NALCN: variants seen among roughly 807,000 people sequenced by gnomAD.
The protein encoded by NALCN is sodium leak channel, non-selective.
Under a neutral mutation model 225.3 loss-of-function variants are expected in NALCN, and 111 were observed. The ratio of observed to expected loss-of-function variants is 0.49; its 90% confidence interval spans 0.42 to 0.58. The LOEUF is 0.58. Ranked by LOEUF, NALCN falls within the 20% of genes least tolerant of loss-of-function variation. The probability of loss-of-function intolerance (pLI) is 0.00; values close to 1 mark genes in which losing one functional copy is unlikely to be tolerated. For synonymous variants in NALCN, 764 were observed against 769.0 expected (o/e 0.99, Z 0.11); for missense variants, 1,378 against 2,202.4 (o/e 0.63, Z 7.49).
At chr13:101,204,424 AAGAG>A (rs1037010224) in intron 13 of NALCN, among the ~76,000 whole-genome samples, 1 of 152,108 alleles carries the variant, frequency 6.6e-6, no homozygotes, top group Non-Finnish European at 1.5e-5. Context: ...TAAATGAATA[AAGAG>A]AGAGGAGAAA....
At chr13:101,078,217 GGAGTCCACACACA>G (rs138470125) in intron 34 of NALCN, among the ~76,000 whole-genome samples, 111,436 of 150,994 alleles carry the variant, frequency 0.74, 41,550 homozygotes, top group African/African-American at 0.82. Context: ...ATGTGTGGTT[GGAGTCCACACACA>G]GAGTCCACAC....
intron 6 of NALCN, among the ~76,000 whole-genome samples, chr13:101,370,736 C>T (rs1343710417): frequency 6.6e-6 from 1 of 152,218 alleles, no homozygotes. Flanking sequence ...TTCTACTTCA[C>T]ACTGAGACAT....
chr13:101,057,632 T>C, intron 43 of NALCN: 1 of 375,008 alleles, frequency 2.7e-6, no homozygotes, highest in East Asian at 6.9e-5. Context: ...TGAGCATGCC[T>C]TGAGGCACAC....
chr13:101,379,045 G>A (rs760128911), intron 3 of NALCN, among the ~76,000 whole-genome samples: 1 of 152,024 alleles, frequency 6.6e-6, no homozygotes, highest in Non-Finnish European at 1.5e-5. Flanking sequence ...AAAACTGCTA[G>A]GTTTAGCACC....
At chr13:101,122,340 C>T (rs948079580) in intron 18 of NALCN, among the ~76,000 whole-genome samples, 9 of 151,928 alleles carry the variant, frequency 5.9e-5, no homozygotes, top group African/African-American at 1.9e-4. Flanking sequence ...CTTTTTATTT[C>T]CTGAGTTTCA....
At chr13:101,097,702 T>A (rs2034588396) in intron 27 of NALCN, among the ~76,000 whole-genome samples, 2 of 152,184 alleles carry the variant, frequency 1.3e-5, no homozygotes, top group Admixed American at 1.3e-4. Context: ...GGCACTAGGA[T>A]GTGTCTGATT....
chr13:101,354,063 G>C (rs1442912912), intron 6 of NALCN, among the ~76,000 whole-genome samples: 1 of 152,178 alleles, frequency 6.6e-6, no homozygotes, highest in Admixed American at 6.5e-5. Context: ...AGAAAAGTTG[G>C]TCGGGTGCAG....
intron 1 of NALCN, among the ~76,000 whole-genome samples, chr13:101,399,605 A>T (rs2047409601): frequency 6.6e-6 from 1 of 152,160 alleles, no homozygotes; most frequent in South Asian, 2.1e-4. Flanking sequence ...TACGACATTC[A>T]CAGACGTCTC....
intron 6 of NALCN, among the ~76,000 whole-genome samples, chr13:101,348,275 T>G (rs2139312147): frequency 6.6e-6 from 1 of 152,304 alleles, no homozygotes; most frequent in Middle Eastern, 3.4e-3. Context: ...TTAAGCATGC[T>G]TTAGTTTTCC....
At chr13:101,166,316 G>A (rs560697638) in intron 15 of NALCN, among the ~76,000 whole-genome samples, 4 of 152,090 alleles carry the variant, frequency 2.6e-5, no homozygotes, top group South Asian at 4.2e-4. Flanking sequence ...TTGAGGAACT[G>A]CCATACTGTT....
intron 34 of NALCN, among the ~76,000 whole-genome samples, chr13:101,076,747 C>T (rs1302336331): frequency 6.6e-6 from 1 of 152,194 alleles, no homozygotes; most frequent in Non-Finnish European, 1.5e-5. Context: ...GAGCATCCTT[C>T]CAAGACCAAA....
At chr13:101,147,847 C>G (rs1270735857) in intron 15 of NALCN, among the ~76,000 whole-genome samples, 1 of 152,110 alleles carries the variant, frequency 6.6e-6, no homozygotes, top group Non-Finnish European at 1.5e-5. Context: ...GCCTCAGAAC[C>G]TCTGTGCCTC....
intron 7 of NALCN, among the ~76,000 whole-genome samples, chr13:101,343,788 A>C (rs1190516488): frequency 1.3e-5 from 2 of 152,240 alleles, no homozygotes; most frequent in Non-Finnish European, 2.9e-5. Context: ...CCCTATATTA[A>C]GCAAAGCCAT....
chr13:101,066,919 C>T (rs1177517684), intron 39 of NALCN, among the ~76,000 whole-genome samples: 4 of 152,146 alleles, frequency 2.6e-5, no homozygotes, highest in Admixed American at 6.5e-5. Flanking sequence ...CCACAGCACC[C>T]CTCAGGCCTC....
intron 13 of NALCN, among the ~76,000 whole-genome samples, chr13:101,219,450 A>C (rs1247388822): frequency 6.6e-6 from 1 of 152,170 alleles, no homozygotes; most frequent in Non-Finnish European, 1.5e-5. Flanking sequence ...CTCATTCTCC[A>C]TTCAAACACC....
In NALCN at chr13:101,321,202, C is replaced by A. The variant is rs373139209; in HGVS notation, c.799+24064G>T. 1.4e-4 allele frequency among the ~76,000 whole-genome samples: 21 copies of A among 151,876 alleles called. No homozygotes were observed. The East Asian group carries it at 3.9e-3, about 28-fold the overall frequency. On this transcript the variant is annotated intron_variant, in intron 7 of 43. Coordinates refer to ENST00000251127, the MANE Select transcript of NALCN (RefSeq NM_052867.4). The stretch of plus-strand genomic sequence containing the variant: ...TTTCATTAACTCTAAAATCCTATAA[C>A]CTTAAAATAAATAATAGACAAAAGT...
At chr13:101,291,842 G>T in intron 9 of NALCN, 148 bp downstream of exon 9, 2 of 763,140 alleles carry the variant, frequency 2.6e-6, no homozygotes, top group Non-Finnish European at 4.4e-6. Flanking sequence ...GAGCCACTGT[G>T]CCTGACTGGC....
At chr13:101,230,059 T>C (rs1268375522) in intron 12 of NALCN, among the ~76,000 whole-genome samples, 1 of 152,182 alleles carries the variant, frequency 6.6e-6, no homozygotes, top group African/African-American at 2.4e-5. Flanking sequence ...CTATTAAGAA[T>C]ATTGCATACA....
At chr13:101,247,872 T>A (rs1473809116) in intron 11 of NALCN, among the ~76,000 whole-genome samples, 1 of 152,106 alleles carries the variant, frequency 6.6e-6, no homozygotes, top group East Asian at 1.9e-4. Flanking sequence ...AGCTATTCAG[T>A]GTTCTCATTA....
Sources: allele counts gnomAD v4.1 joint callset (sites outside exome capture counted in the v4.1 genomes callset), GRCh38; gene constraint gnomAD v4.1.1; transcripts MANE v1.5; gene names NCBI Gene and HGNC (gene_info 2026-07-23, HGNC 2026-07-21).